The following SMIM19 variants were observed in gnomAD, a reference collection of about 807,000 sequenced individuals.
The protein encoded by SMIM19 is small integral membrane protein 19, also known as UPF0697 protein C8orf40.
SMIM19 carries 6 observed loss-of-function variants against 13.2 expected under a neutral mutation model. The observed-to-expected ratio is 0.45, with a 90% CI of 0.25 to 0.90. SMIM19 has a LOEUF of 0.90. Among genes scored for constraint, SMIM19 ranks in the 40% least tolerant of loss-of-function variants. The pLI is 0.19. For missense variants in SMIM19, 138 were observed against 131.0 expected, an observed-to-expected ratio of 1.05 and a Z score of -0.26; for synonymous variants, 46 against 43.1, an observed-to-expected ratio of 1.07 and a Z score of -0.27.
At chr8:42,542,822 A>AT (rs1813304819) in intron 1 of SMIM19, among the ~76,000 whole-genome samples, 1 of 151,530 alleles carries the variant, frequency 6.6e-6, no homozygotes, top group Admixed American at 6.6e-5. Flanking sequence ...AAAAAAAAAA[A>AT]AATAAGAATT....
rs1045258023 is a variant in SMIM19 at position 42,548,904 on chromosome 8, A to G, written c.259+124A>G. 3 of 947,600 alleles carry G rather than the reference A, an allele frequency of 3.2e-6. No homozygotes were observed. The Admixed American group carries it at 9.3e-5, about 29-fold the overall frequency. The allele number at this position is 947,600 out of a possible 1,614,324, so 58.7% of individuals were successfully genotyped here. On this transcript the variant is annotated intron_variant, in intron 3 of 3. Coordinates refer to ENST00000417410, the MANE Select transcript of SMIM19 (RefSeq NM_001135674.2). Reference sequence around the variant, plus strand: ...AATGAAAACTTAGTACTTCTTTCAGATGTTTAATATGTTTTTCAGATACTT... The same window carrying G: ...AATGAAAACTTAGTACTTCTTTCAGGTGTTTAATATGTTTTTCAGATACTT...
chr8:42,546,426 A>G (rs1166394011), intron 1 of SMIM19, 43 bp from the exon 2 acceptor site: 1 of 1,568,892 alleles, frequency 6.4e-7, no homozygotes, highest in Admixed American at 2.0e-5. Flanking sequence ...CAGTGCTACC[A>G]TCATTAATTA....
chr8:42,546,710 C>A, intron 2 of SMIM19, 104 bp downstream of exon 2: 1 of 1,378,816 alleles, frequency 7.3e-7, no homozygotes, highest in Non-Finnish European at 9.8e-7. Flanking sequence ...TCAGGCTGGA[C>A]GCAGTGGCTC....
At chr8:42,550,182 A>G (rs1320626461) in intron 3 of SMIM19, among the ~76,000 whole-genome samples, 3 of 152,168 alleles carry the variant, frequency 2.0e-5, no homozygotes, top group African/African-American at 7.2e-5. Context: ...CACGTACACA[A>G]AAGTTATTTG....
intron 2 of SMIM19, chr8:42,548,352 T>C (rs1236311995): frequency 8.4e-6 from 4 of 474,136 alleles, no homozygotes; most frequent in Non-Finnish European, 1.7e-5. Context: ...TCAGCTGTTT[T>C]CTTGTTTGTG....
In SMIM19 at chr8:42,552,850, G is replaced by A. The variant is rs950067410; in HGVS notation, c.*242G>A. Reference sequence around the variant, plus strand: ...TAACCAGCGATGGTGACTTGACCTTGCCAAGACCTGTGATTCCTTCAGGAT... The same window carrying A: ...TAACCAGCGATGGTGACTTGACCTTACCAAGACCTGTGATTCCTTCAGGAT... On this transcript the variant is annotated 3_prime_UTR_variant, in exon 4 of 4. Transcript: ENST00000417410. 4.7e-6 allele frequency: 2 copies of A among 422,830 alleles called. No individual in the cohort carries two copies. Among genetic ancestry groups the A allele is most frequent in the East Asian group, 3.5e-5 (1 of 28,598 alleles). The allele number at this position is 422,830 out of a possible 1,614,324, so 26.2% of individuals were successfully genotyped here. A position where few individuals can be genotyped will look rare whatever the true frequency, so the allele number is the denominator to read the frequency against.
At chr8:42,542,454 G>C in intron 1 of SMIM19, 81 bp downstream of exon 1, 2 of 985,382 alleles carry the variant, frequency 2.0e-6, no homozygotes, top group Non-Finnish European at 2.4e-6. Flanking sequence ...TTTTGATGCA[G>C]AGGATTTTGT....
intron 2 of SMIM19, chr8:42,548,446 G>C (rs755097234): frequency 3.3e-6 from 2 of 613,166 alleles, no homozygotes; most frequent in South Asian, 3.0e-5. Flanking sequence ...AAATGGATGT[G>C]TTCAGCTACT....
At chr8:42,547,917 G>C (rs1279977041) in intron 2 of SMIM19, among the ~76,000 whole-genome samples, 3 of 152,198 alleles carry the variant, frequency 2.0e-5, no homozygotes, top group African/African-American at 7.2e-5. Context: ...CAGGTATCCT[G>C]TCCCAAGGTA....
In SMIM19 at chr8:42,552,793, C is replaced by T; in HGVS notation, c.*185C>T. 1 of 616,634 alleles carries T rather than the reference C, an allele frequency of 1.6e-6. No individual in the cohort carries two copies. Among genetic ancestry groups the T allele is most frequent in the East Asian group, 2.8e-5 (1 of 35,598 alleles). The allele number at this position is 616,634 out of a possible 1,614,324, so 38.2% of individuals were successfully genotyped here. On this transcript the variant is annotated 3_prime_UTR_variant, in exon 4 of 4. Transcript: ENST00000417410. Reference sequence around the variant, plus strand: ...CTCCAAGTGGCTCAAAAGGCCTTGACACAGGGAACCTGCACATATCCAGGA... The same window carrying T: ...CTCCAAGTGGCTCAAAAGGCCTTGATACAGGGAACCTGCACATATCCAGGA...
rs1187493915 is a variant in SMIM19 at position 42,553,299 on chromosome 8, T to TC, written c.*691_*692insC. On this transcript the variant is annotated 3_prime_UTR_variant, in exon 4 of 4. Transcript: ENST00000417410. ...TTTAGAAGCTTTCTGTAACTAGATTTTTCCTCATTATGCTCCCAGGAGCGA... is the reference window on the plus strand; with the variant it reads ...TTTAGAAGCTTTCTGTAACTAGATTTCTTCCTCATTATGCTCCCAGGAGCGA... The TC allele has an allele frequency of 2.0e-5, 3 of 151,904 alleles. No homozygotes were observed. The highest frequency in any genetic ancestry group is 7.3e-5 in the African/African-American group (3 of 41,322). 9.4% of individuals were successfully genotyped at this position (151,904 alleles called of 1,614,324 possible).
chr8:42,548,162 C>T (rs962554468), intron 2 of SMIM19, among the ~76,000 whole-genome samples: 1 of 152,196 alleles, frequency 6.6e-6, no homozygotes, highest in African/African-American at 2.4e-5. Flanking sequence ...CCCCATGTTT[C>T]TTTTAAAAGC....
intron 3 of SMIM19, among the ~76,000 whole-genome samples, chr8:42,549,761 A>C (rs1301152731): frequency 1.3e-5 from 2 of 152,224 alleles, no homozygotes; most frequent in South Asian, 4.1e-4. Flanking sequence ...CATTAAAAAA[A>C]ATCCTTTTAA....
intron 1 of SMIM19, among the ~76,000 whole-genome samples, chr8:42,546,056 T>C (rs142290866): frequency 3.3e-5 from 5 of 152,226 alleles, no homozygotes; most frequent in Non-Finnish European, 7.4e-5. Context: ...CCCTCAGATA[T>C]CAAAATCCGT....
intron 1 of SMIM19, among the ~76,000 whole-genome samples, chr8:42,542,732 G>A (rs1185805107): frequency 2.0e-5 from 3 of 151,824 alleles, no homozygotes; most frequent in Non-Finnish European, 4.4e-5. Flanking sequence ...AGGCTGAGGC[G>A]GGCGGATTGC....
chr8:42,552,322 G>A (rs1435466070), intron 3 of SMIM19, among the ~76,000 whole-genome samples: 2 of 152,160 alleles, frequency 1.3e-5, no homozygotes, highest in Non-Finnish European at 2.9e-5. Context: ...GGAAGCTGAG[G>A]TGGGAGGATT....
chr8:42,551,311 CAAAAA>C (rs35606576), intron 3 of SMIM19, among the ~76,000 whole-genome samples: 1 of 118,510 alleles, frequency 8.4e-6, no homozygotes, highest in African/African-American at 3.1e-5. Context: ...GAGCGAGACT[CAAAAA>C]AAAAAAAAAA....
intron 1 of SMIM19, among the ~76,000 whole-genome samples, chr8:42,545,159 C>T (rs986051705): frequency 7.2e-5 from 11 of 152,104 alleles, no homozygotes; most frequent in African/African-American, 2.7e-4. Context: ...CTTAGACTTA[C>T]CTTTTATGTC....
chr8:42,553,472 A>T lies in SMIM19; in HGVS notation c.*864A>T, dbSNP rs557617884. 6.6e-6 allele frequency: 1 copy of T among 152,382 alleles called. No homozygotes were observed. The highest frequency in any genetic ancestry group is 2.4e-5 in the African/African-American group (1 of 41,586). The allele number at this position is 152,382 out of a possible 1,614,324, so 9.4% of individuals were successfully genotyped here. A position where few individuals can be genotyped will look rare whatever the true frequency, so the allele number is the denominator to read the frequency against. On this transcript the variant is annotated 3_prime_UTR_variant, in exon 4 of 4. Transcript: ENST00000417410. ...CCACTGGCGAGGCAGTATTACTGCC[A>T]CTGGTGAATGTTGCTGTCTGGTTAC...
Sources: gnomAD v4.1 joint callset for allele counts (sites outside exome capture counted in the v4.1 genomes callset) on GRCh38, gnomAD v4.1.1 for gene constraint, MANE v1.5 for transcripts, NCBI Gene and HGNC (gene_info 2026-07-23, HGNC 2026-07-21) for gene names.